Variants in LCOR observed in about 807,000 individuals in gnomAD.
LCOR encodes the protein ligand-dependent corepressor.
In LCOR, 14 loss-of-function variants were observed where a neutral mutation model predicts 64.4. The ratio of observed to expected loss-of-function variants is 0.22; its 90% CI spans 0.14 to 0.34. LCOR has a LOEUF of 0.34. Among genes scored for constraint, LCOR ranks in the 10% least tolerant of loss-of-function variants. The pLI, the probability that LCOR is intolerant of heterozygous loss-of-function variation, is 1.00. For missense variants in LCOR, 1,686 were observed against 1,765.3 expected, an observed-to-expected ratio of 0.96 and a Z score of 0.80; for synonymous variants, 643 against 642.5, an observed-to-expected ratio of 1.00 and a Z score of -0.01.
rs769949121 is a variant in LCOR, at chr10:96,984,551, A to T, written c.4091A>T (p.Asp1364Val). 6.2e-7 allele frequency: 1 copy of T among 1,614,206 alleles called. No individual in the cohort carries two copies. Among genetic ancestry groups the T allele is most frequent in the East Asian group, 2.2e-5 (1 of 44,884 alleles). The change falls in exon 8 of 8, where the codon GAT becomes GTT. Residue 1364 changes from aspartate (D) to valine (V), a missense_variant. Asp to Val is a radical substitution (Grantham distance 152, BLOSUM62 -3). Transcript: ENST00000421806. The stretch of plus-strand genomic sequence containing the variant: ...TCCCCCAAGCTTGCCCTGCAAGTGG[A>T]TGCAGATGGGTTTCCTGTTAAGCCC... ...LMSPKLALQV[D>V]ADGFPVKPKS...
Position 96,994,604 on chromosome 10 carries a change from C to G in LCOR, c.*9470C>G, listed in dbSNP as rs972016469. Reference sequence around the variant, plus strand: ...AGGATAAAACTTTCCCTTGCTGAGCCTGAAGGCAAGCAAGAGGGAAGAAAT... The same window carrying G: ...AGGATAAAACTTTCCCTTGCTGAGCGTGAAGGCAAGCAAGAGGGAAGAAAT... On this transcript the variant is annotated 3_prime_UTR_variant, in exon 8 of 8. Coordinates refer to ENST00000421806, the MANE Select transcript of LCOR (RefSeq NM_001346516.2). 4 of 151,536 alleles carry G rather than the reference C, an allele frequency of 2.6e-5. No individual in the cohort carries two copies. Among genetic ancestry groups the G allele is most frequent in the Non-Finnish European group, 5.9e-5 (4 of 67,994 alleles). The allele number at this position is 151,536 out of a possible 1,614,324, so 9.4% of individuals were successfully genotyped here.
intron 2 of LCOR, among the ~76,000 whole-genome samples, chr10:96,900,276 T>C (rs1017453421): frequency 6.6e-6 from 1 of 152,164 alleles, no homozygotes; most frequent in African/African-American, 2.4e-5. Flanking sequence ...ATATACCACA[T>C]TTTGTTTATC....
intron 6 of LCOR, among the ~76,000 whole-genome samples, chr10:96,949,924 G>C (rs531143320): frequency 6.6e-6 from 1 of 152,306 alleles, no homozygotes; most frequent in Admixed American, 6.5e-5. Flanking sequence ...CTAATTAAGT[G>C]ATGAAGTTAA....
chr10:96,917,783 A>T lies in LCOR; in HGVS notation c.-184+10036A>T, dbSNP rs190591689. Among the ~76,000 whole-genome samples the T allele has an allele frequency of 1.7e-3, 260 of 152,332 alleles. 1 individual carries two copies. The highest frequency in any genetic ancestry group is 1.0e-4 in the Non-Finnish European group (7 of 68,030). On this transcript the variant is annotated intron_variant, in intron 4 of 7. Coordinates refer to ENST00000421806, the MANE Select transcript of LCOR (RefSeq NM_001346516.2). ...AGAATCTGGAATAAAGAGTTGTCGA[A>T]GCTTAGTGATTACGTAAATATATAA...
intron 2 of LCOR, among the ~76,000 whole-genome samples, chr10:96,850,701 G>A (rs145743007): frequency 2.1e-4 from 32 of 152,190 alleles, no homozygotes; most frequent in African/African-American, 7.2e-4. Context: ...CCTCTCACCT[G>A]TCTCCCAAAG....
intron 2 of LCOR, among the ~76,000 whole-genome samples, chr10:96,877,811 C>A (rs945584301): frequency 2.0e-5 from 3 of 151,880 alleles, no homozygotes; most frequent in African/African-American, 7.3e-5. Context: ...CGGGGTTTCA[C>A]CGCATTAGCC....
chr10:96,836,423 G>C (rs1261168271), intron 2 of LCOR, among the ~76,000 whole-genome samples: 1 of 152,102 alleles, frequency 6.6e-6, no homozygotes, highest in Non-Finnish European at 1.5e-5. Flanking sequence ...TCATTTAGCT[G>C]TTTGTATTGA....
intron 6 of LCOR, 64 bp downstream of exon 6, chr10:96,949,359 A>G (rs1249405374): frequency 2.7e-6 from 4 of 1,460,332 alleles, no homozygotes; most frequent in Non-Finnish European, 3.8e-6. Flanking sequence ...GAGAAAAAAA[A>G]AAGCATTGGC....
chr10:96,866,824 C>T (rs1163191333), intron 2 of LCOR, among the ~76,000 whole-genome samples: 1 of 151,904 alleles, frequency 6.6e-6, no homozygotes. Flanking sequence ...GATCTGCCTG[C>T]CTTGGCCTCC....
intron 4 of LCOR, among the ~76,000 whole-genome samples, chr10:96,913,867 G>A (rs1445807890): frequency 1.3e-5 from 2 of 151,452 alleles, no homozygotes; most frequent in African/African-American, 2.4e-5. Flanking sequence ...GCAGTGAGCC[G>A]AGATCATGCC....
intron 2 of LCOR, among the ~76,000 whole-genome samples, chr10:96,841,013 G>C (rs1845530470): frequency 1.3e-5 from 2 of 152,000 alleles, no homozygotes; most frequent in African/African-American, 4.8e-5. Flanking sequence ...GTGTGGTTTT[G>C]TGTACCTGTA....
intron 4 of LCOR, among the ~76,000 whole-genome samples, chr10:96,941,279 G>T (rs1847466640): frequency 7.0e-6 from 1 of 142,848 alleles, no homozygotes; most frequent in Admixed American, 6.8e-5. Flanking sequence ...GGCTGGCCAG[G>T]CGGGGGGCTG....
chr10:96,907,254 T>TA lies in LCOR; in HGVS notation c.-329-10dup. The stretch of plus-strand genomic sequence containing the variant: ...TTATTGTGGTAATGGATTTTGTTTT[T>TA]ATCCTTTCAGGGTTTGAAAGTATTC... On this transcript the variant is annotated splice_polypyrimidine_tract_variant and intron_variant, in intron 2 of 7. Transcript: ENST00000421806. 1 of 953,558 alleles carries TA rather than the reference T, an allele frequency of 1.0e-6. No homozygotes were observed. The highest frequency in any genetic ancestry group is 1.2e-6 in the Non-Finnish European group (1 of 800,336). 59.1% of individuals were successfully genotyped at this position (953,558 alleles called of 1,614,324 possible). A position where few individuals can be genotyped will look rare whatever the true frequency, so the allele number is the denominator to read the frequency against.
chr10:96,862,203 A>G (rs543281609), intron 2 of LCOR, among the ~76,000 whole-genome samples: 2 of 152,296 alleles, frequency 1.3e-5, no homozygotes, highest in East Asian at 3.9e-4. Context: ...ATGTTCAGGT[A>G]TTTGGAAGCT....
chr10:96,864,643 GT>G (rs1462747186), intron 2 of LCOR, among the ~76,000 whole-genome samples: 1 of 152,196 alleles, frequency 6.6e-6, no homozygotes, highest in Admixed American at 6.5e-5. Context: ...TCATAACAAT[GT>G]TTCAGTCAAC....
Position 96,948,995 on chromosome 10 carries a change from T to G in LCOR, c.-50-13T>G. 1.3e-6 allele frequency: 2 copies of G among 1,554,382 alleles called. No individual in the cohort carries two copies. The highest frequency in any genetic ancestry group is 1.7e-6 in the Non-Finnish European group (2 of 1,144,642). On this transcript the variant is annotated splice_polypyrimidine_tract_variant and intron_variant, in intron 5 of 7. Transcript: ENST00000421806. ...TTGTCCCACTTTAAAAGTAAATAAA[T>G]CTTTATTTACAGACAGTCCCTGGGT...
intron 2 of LCOR, among the ~76,000 whole-genome samples, chr10:96,901,827 T>C: frequency 6.6e-6 from 1 of 152,168 alleles, no homozygotes; most frequent in East Asian, 1.9e-4. Flanking sequence ...TGGAGTGCGG[T>C]GGCGCAATCT....
At chr10:96,874,311 A>G (rs977766424) in intron 2 of LCOR, among the ~76,000 whole-genome samples, 6 of 152,144 alleles carry the variant, frequency 3.9e-5, no homozygotes, top group Non-Finnish European at 8.8e-5. Context: ...TCTTTGATCT[A>G]TATTGCCAGT....
At chr10:96,846,259 T>C (rs1315752032) in intron 2 of LCOR, among the ~76,000 whole-genome samples, 1 of 152,072 alleles carries the variant, frequency 6.6e-6, no homozygotes, top group Admixed American at 6.6e-5. Flanking sequence ...TTTTTTTTTT[T>C]CTTTTTTTAA....
Sources: allele counts gnomAD v4.1 joint callset (sites outside exome capture counted in the v4.1 genomes callset), GRCh38; gene constraint gnomAD v4.1.1; transcripts MANE v1.5; gene names NCBI Gene and HGNC (gene_info 2026-07-23, HGNC 2026-07-21).